Variants in HMCN2 observed in about 807,000 individuals in gnomAD.
HMCN2 encodes the protein hemicentin 2.
In HMCN2, 325 loss-of-function variants were observed where a neutral mutation model predicts 377.5. The observed-to-expected ratio is 0.86, with a 90% confidence interval of 0.79 to 0.94. The LOEUF is 0.94. HMCN2 is among the 40% of genes least tolerant of loss of function. The pLI, the probability that HMCN2 is intolerant of heterozygous loss-of-function variation, is 0.00. For missense variants in HMCN2, 4,543 were observed against 4,725.3 expected, an observed-to-expected ratio of 0.96 and a Z score of 1.13; for synonymous variants, 2,007 against 2,046.8, an observed-to-expected ratio of 0.98 and a Z score of 0.53.
rs1289314400 is a variant in HMCN2, at chr9:130,394,179, T to C, written c.10501+171T>C. ...GGCTGGGATGCCTCTCTCACCTTCC[T>C]TGCCTGCGGGGAGTGGGTGGCCGGG... On this transcript the variant is annotated intron_variant, in intron 68 of 97. Transcript: ENST00000683500. The surrounding 1 kb of genome is among the most constrained non-coding windows in gnomAD (Gnocchi z 5.1). 6.6e-6 allele frequency among the ~76,000 whole-genome samples: 1 copy of C among 152,120 alleles called. No individual in the cohort carries two copies. The highest frequency in any genetic ancestry group is 1.9e-4 in the East Asian group (1 of 5,194).
At chr9:130,411,598 C>CAAAAAAAAAA (rs35719589) in intron 85 of HMCN2, among the ~76,000 whole-genome samples, 84 of 97,192 alleles carry the variant, frequency 8.6e-4, no homozygotes, top group South Asian at 1.5e-3. Context: ...GACTCAATCT[C>CAAAAAAAAAA]AAAAAAAAAA....
Position 130,433,404 on chromosome 9 carries a change from A to AGTACCGGCTGCTGCC in HMCN2, c.14953_14967dup (p.Tyr4985_Pro4989dup), listed in dbSNP as rs1169747504. On this transcript the variant is annotated inframe_insertion, in exon 98 of 98. Transcript: ENST00000683500. ...GGCACGGGCGGCCCCTCTACGCTGCAGTACCGGCTGCTGCCGCTGCCCCTG... is the reference window on the plus strand; with the variant it reads ...GGCACGGGCGGCCCCTCTACGCTGCAGTACCGGCTGCTGCCGTACCGGCTGCTGCCGCTGCCCCTG... The AGTACCGGCTGCTGCC allele has an allele frequency of 1.0e-5, 15 of 1,492,964 alleles. No individual in the cohort carries two copies. Among genetic ancestry groups the AGTACCGGCTGCTGCC allele is most frequent in the Non-Finnish European group, 1.2e-5 (13 of 1,129,556 alleles). The allele number at this position is 1,492,964 out of a possible 1,614,324, so 92.5% of individuals were successfully genotyped here. A position where few individuals can be genotyped will look rare whatever the true frequency, so the allele number is the denominator to read the frequency against.
chr9:130,391,280 T>G lies in HMCN2; in HGVS notation c.9744T>G (p.Cys3248Trp). The G allele has an allele frequency of 1.0e-6, 1 of 987,658 alleles. No homozygotes were observed. The highest frequency in any genetic ancestry group is 1.2e-6 in the Non-Finnish European group (1 of 830,128). 61.2% of individuals were successfully genotyped at this position (987,658 alleles called of 1,614,324 possible). A position where few individuals can be genotyped will look rare whatever the true frequency, so the allele number is the denominator to read the frequency against. Residue 3248 changes from cysteine (C) to tryptophan (W), a missense_variant, in exon 64 of 98, where the codon TGT becomes TGG. Cys to Trp is a radical substitution (Grantham distance 215, BLOSUM62 -2). Coordinates refer to ENST00000683500, the MANE Select transcript of HMCN2 (RefSeq NM_001291815.2). The part of the protein sequence containing the change: ...VLEGQEVRLD[C>W]EADGQPPPDV... ...AAGGGCAGGAGGTGCGGCTGGACTG[T>G]GAGGCCGATGGGCAGCCGCCGCCGG...
chr9:130,353,136 G>C lies in HMCN2; in HGVS notation c.4795G>C (p.Gly1599Arg). The change falls in exon 31 of 98, where the codon GGC becomes CGC. Residue 1599 changes from glycine (G) to arginine (R), a missense_variant. Coordinates refer to ENST00000683500, the MANE Select transcript of HMCN2 (RefSeq NM_001291815.2). ...QLGRAQSSDAGVYTCKASNAV... is the reference protein window; with the variant it reads ...QLGRAQSSDARVYTCKASNAV... ...GGGGAGGGCCCAGAGCTCCGATGCC[G>C]GCGTCTACACCTGCAAGGCCAGCAA... is the stretch of plus-strand genomic sequence containing the variant. 7.7e-7 allele frequency: 1 copy of C among 1,304,200 alleles called. No individual in the cohort carries two copies. Among genetic ancestry groups the C allele is most frequent in the Non-Finnish European group, 1.0e-6 (1 of 988,940 alleles). The allele number at this position is 1,304,200 out of a possible 1,614,324, so 80.8% of individuals were successfully genotyped here. A position where few individuals can be genotyped will look rare whatever the true frequency, so the allele number is the denominator to read the frequency against.
At chr9:130,349,193 C>G in intron 28 of HMCN2, 62 bp downstream of exon 28, 2 of 1,272,644 alleles carry the variant, frequency 1.6e-6, no homozygotes, top group Non-Finnish European at 2.1e-6. Flanking sequence ...CCAACTCTTG[C>G]AGGCACACCG....
In HMCN2 at chr9:130,382,214, G is replaced by A. The variant is rs558860757; in HGVS notation, c.8462G>A (p.Arg2821Gln). 4.5e-5 allele frequency: 44 copies of A among 985,804 alleles called. No individual in the cohort carries two copies. The African/African-American group carries it at 4.9e-4, about 11-fold the overall frequency. 61.1% of individuals were successfully genotyped at this position (985,804 alleles called of 1,614,324 possible). ...CGGGTCCTGCAGATCCCCCTGGTGC[G>A]GGCAGAGAACGCCGGGAGGTACTCG... is the stretch of plus-strand genomic sequence containing the variant. The part of the protein sequence containing the change: ...GGRVLQIPLV[R>Q]AENAGRYSCK... Residue 2821 changes from arginine (R) to glutamine (Q), a missense_variant, in exon 55 of 98, where the codon CGG (arginine) becomes CAG (glutamine). By Grantham distance (43) the Arg-to-Gln change is conservative. Around this residue, in one of 5 missense-constraint regions of HMCN2, gnomAD observed 736 missense variants for 773.2 expected, o/e 0.95. Coordinates refer to ENST00000683500, the MANE Select transcript of HMCN2 (RefSeq NM_001291815.2).
At position 130,280,288 on chromosome 9, in the gene HMCN2, G is replaced by A. The variant is rs576390824; in HGVS notation, c.260-4315G>A. ...CGCCATTCTCCTGCCTCAGCCTCCC[G>A]AGTAGCTGGGACTACAGGTGCCTGC... On this transcript the variant is annotated intron_variant, in intron 1 of 97. Coordinates refer to ENST00000683500, the MANE Select transcript of HMCN2 (RefSeq NM_001291815.2). 1.7e-4 allele frequency among the ~76,000 whole-genome samples: 26 copies of A among 150,502 alleles called. No individual in the cohort carries two copies. The East Asian group carries it at 3.8e-3, about 22-fold the overall frequency.
intron 80 of HMCN2, among the ~76,000 whole-genome samples, 171 bp from the exon 81 acceptor site, chr9:130,404,698 G>A (rs1428618650): frequency 6.6e-6 from 1 of 152,262 alleles, no homozygotes; most frequent in African/African-American, 2.4e-5. Flanking sequence ...ACCAAACTCA[G>A]GGAGTCCCCA....
intron 85 of HMCN2, among the ~76,000 whole-genome samples, chr9:130,417,952 A>C (rs1274542435): frequency 6.6e-6 from 1 of 152,156 alleles, no homozygotes; most frequent in Non-Finnish European, 1.5e-5. Flanking sequence ...CTAGCCTTCC[A>C]GGAGGGTCTA....
In HMCN2 at chr9:130,425,769, C is replaced by T. The variant is rs1190479739; in HGVS notation, c.13724C>T (p.Pro4575Leu). ...STQRFFQGGL[P>L]SFLRCNHSIQ... ...CAGCGCTTCTTCCAGGGCGGCCTCC[C>T]CTCGTTCCTACGCTGCAACCACAGC... Residue 4575 changes from proline (P) to leucine (L), a missense_variant, in exon 90 of 98, where the codon CCC becomes CTC. By Grantham distance (98) the Pro-to-Leu change is moderately conservative. This residue lies in a region of HMCN2 where 1,155 missense variants were observed against 1,157.7 expected (regional missense o/e 1.00). Transcript: ENST00000683500. The T allele has an allele frequency of 6.4e-7, 1 of 1,550,614 alleles. No individual in the cohort carries two copies. The highest frequency in any genetic ancestry group is 8.7e-7 in the Non-Finnish European group (1 of 1,146,998).
chr9:130,423,892 G>A lies in HMCN2; in HGVS notation c.13382-884G>A, dbSNP rs1306662914. 6.6e-6 allele frequency among the ~76,000 whole-genome samples: 1 copy of A among 152,188 alleles called. No individual in the cohort carries two copies. Among genetic ancestry groups the A allele is most frequent in the East Asian group, 1.9e-4 (1 of 5,204 alleles). The stretch of plus-strand genomic sequence containing the variant: ...AGCAAATATATAATGACAGTCTGTG[G>A]AGTCCCTGGCTCCGTGGTGACCCGG... On this transcript the variant is annotated intron_variant, in intron 87 of 97. Transcript: ENST00000683500. This position sits in a 1 kb window ranked among gnomAD's most constrained non-coding sequence, Gnocchi z 5.5.
chr9:130,301,365 T>C (rs1327987648), intron 8 of HMCN2, among the ~76,000 whole-genome samples: 1 of 152,274 alleles, frequency 6.6e-6, no homozygotes, highest in Non-Finnish European at 1.5e-5. Context: ...AGTTTAGCTC[T>C]GGCTTTTGTT....
intron 43 of HMCN2, among the ~76,000 whole-genome samples, chr9:130,367,201 G>C (rs1840742383): frequency 6.6e-6 from 1 of 152,118 alleles, no homozygotes; most frequent in African/African-American, 2.4e-5. Context: ...AGATATGGTG[G>C]AAAGACCTAG....
In HMCN2 at chr9:130,384,420, C is replaced by T. The variant is rs1243531775; in HGVS notation, c.8878C>T (p.Leu2960Phe). ...GLDLEQVTAI[L>F]NSSVSLPCDV... ...GGACTTGGAGCAGGTCACTGCCATCCTCAACAGCAGCGTCTCCCTCCCTTG... is the reference window on the plus strand; with the variant it reads ...GGACTTGGAGCAGGTCACTGCCATCTTCAACAGCAGCGTCTCCCTCCCTTG... The change falls in exon 58 of 98, where the codon CTC (leucine) becomes TTC (phenylalanine). Residue 2960 changes from leucine (L) to phenylalanine (F), a missense_variant. Leu to Phe is a conservative substitution (Grantham distance 22). Transcript: ENST00000683500. The T allele has an allele frequency of 7.7e-7, 1 of 1,303,680 alleles. No individual in the cohort carries two copies. The highest frequency in any genetic ancestry group is 1.0e-6 in the Non-Finnish European group (1 of 988,930). 80.8% of individuals were successfully genotyped at this position (1,303,680 alleles called of 1,614,324 possible).
intron 62 of HMCN2, among the ~76,000 whole-genome samples, chr9:130,389,213 C>A (rs752151910): frequency 1.7e-4 from 26 of 152,214 alleles, no homozygotes; most frequent in African/African-American, 5.3e-4. Flanking sequence ...CTGCCCCTCT[C>A]TCTCAGTAAC....
intron 8 of HMCN2, among the ~76,000 whole-genome samples, chr9:130,300,167 C>G (rs921590851): frequency 5.9e-5 from 9 of 152,018 alleles, no homozygotes; most frequent in African/African-American, 1.9e-4. Flanking sequence ...ACCCATCCAT[C>G]TATCCATTCA....
Position 130,388,683 on chromosome 9 carries a change from C to A in HMCN2, c.9523+143C>A, listed in dbSNP as rs991560200. On this transcript the variant is annotated intron_variant, in intron 62 of 97. Coordinates refer to ENST00000683500, the MANE Select transcript of HMCN2 (RefSeq NM_001291815.2). The stretch of plus-strand genomic sequence containing the variant: ...GGCAGTGCCGTGTTGCCCCCCCCCC[C>A]ACCATTTGTGTTTGAGTGAAGCGTT... The A allele has an allele frequency of 1.5e-3, 483 of 326,124 alleles. 8 individuals are homozygous for A. The highest frequency in any genetic ancestry group is 0.01 in the African/African-American group (417 of 41,096). The allele number at this position is 326,124 out of a possible 1,614,324, so 20.2% of individuals were successfully genotyped here.
chr9:130,277,926 C>G (rs1834840537), intron 1 of HMCN2, among the ~76,000 whole-genome samples: 1 of 51,920 alleles, frequency 1.9e-5, no homozygotes, highest in Non-Finnish European at 3.3e-5. Flanking sequence ...CCACCATCAT[C>G]ATCATCACCA....
chr9:130,348,925 A>C, intron 27 of HMCN2, 59 bp from the exon 28 acceptor site: 2 of 1,276,832 alleles, frequency 1.6e-6, no homozygotes, highest in South Asian at 1.3e-5. Flanking sequence ...CTCATTACTG[A>C]TGCTGGGGGT....
Sources: allele counts gnomAD v4.1 joint callset (sites outside exome capture counted in the v4.1 genomes callset), GRCh38; gene constraint gnomAD v4.1.1; regional missense constraint gnomAD v4.1.1; non-coding constraint Gnocchi (gnomAD v3.1); transcripts MANE v1.5; gene names NCBI Gene and HGNC (gene_info 2026-07-23, HGNC 2026-07-21).